Variants in FAM81A observed in about 807,000 individuals in gnomAD.
The protein encoded by FAM81A is family with sequence similarity 81 member A.
In FAM81A, 19 loss-of-function variants were observed where a neutral mutation model predicts 46.7. The observed-to-expected ratio is 0.41, with a 90% CI of 0.28 to 0.60. The LOEUF is 0.60. Ranked by LOEUF, FAM81A falls within the 20% of genes least tolerant of loss-of-function variation. The probability of loss-of-function intolerance (pLI) is 0.34; values close to 1 mark genes in which losing one functional copy is unlikely to be tolerated. For missense variants in FAM81A, 377 were observed against 453.5 expected (o/e 0.83, Z 1.53); for synonymous variants, 183 against 152.9 (o/e 1.20, Z -1.45).
intron 3 of FAM81A, among the ~76,000 whole-genome samples, chr15:59,478,643 C>G (rs1486058562): frequency 6.6e-6 from 1 of 152,176 alleles, no homozygotes; most frequent in African/African-American, 2.4e-5. Flanking sequence ...TGATTATCAT[C>G]CAAATTCATT....
intron 4 of FAM81A, among the ~76,000 whole-genome samples, chr15:59,493,918 T>G (rs550318943): frequency 6.6e-6 from 1 of 152,126 alleles, no homozygotes; most frequent in Non-Finnish European, 1.5e-5. Context: ...CTTTTCAGTC[T>G]TTAAAGTTCA....
At chr15:59,470,357 G>T (rs564314847) in intron 3 of FAM81A, among the ~76,000 whole-genome samples, 41 of 152,056 alleles carry the variant, frequency 2.7e-4, no homozygotes, top group Middle Eastern at 3.4e-3. Context: ...ATGTAGATTT[G>T]GTCTTTTCAC....
At chr15:59,483,037 T>C (rs1319338367) in intron 3 of FAM81A, among the ~76,000 whole-genome samples, 2 of 152,094 alleles carry the variant, frequency 1.3e-5, no homozygotes, top group Non-Finnish European at 2.9e-5. Flanking sequence ...AAATTCTTTC[T>C]GGTGAATTTT....
chr15:59,420,037 T>C (rs2081164095), intron 2 of FAM81A, among the ~76,000 whole-genome samples: 1 of 152,182 alleles, frequency 6.6e-6, no homozygotes, highest in Admixed American at 6.5e-5. Context: ...CAATGCCTCA[T>C]GCATACTGGA....
intron 3 of FAM81A, among the ~76,000 whole-genome samples, chr15:59,490,748 A>G (rs1480961544): frequency 6.6e-6 from 1 of 152,198 alleles, no homozygotes; most frequent in Non-Finnish European, 1.5e-5. Context: ...AGGCATGAGA[A>G]TCGCTTGAAT....
At chr15:59,437,230 C>G (rs772784513), upstream of FAM81A, among the ~76,000 whole-genome samples, 1 of 152,028 alleles carries the variant, frequency 6.6e-6, no homozygotes, top group Admixed American at 6.6e-5. Flanking sequence ...TCTACCATGT[C>G]GGGCTCCTTC....
intron 2 of FAM81A, among the ~76,000 whole-genome samples, chr15:59,422,567 C>T (rs886375977): frequency 2.0e-5 from 3 of 152,118 alleles, no homozygotes; most frequent in African/African-American, 4.8e-5. Flanking sequence ...ACCTCCGCCT[C>T]CCGGGTTCAT....
At chr15:59,415,828 A>T (rs763929269) in intron 2 of FAM81A, among the ~76,000 whole-genome samples, 2 of 152,196 alleles carry the variant, frequency 1.3e-5, no homozygotes, top group Non-Finnish European at 2.9e-5. Flanking sequence ...CACATTCAGA[A>T]CCACTCTCCT....
chr15:59,458,668 A>G (rs1209996492), intron 2 of FAM81A, 22 bp downstream of exon 2: 4 of 1,597,174 alleles, frequency 2.5e-6, no homozygotes, highest in Non-Finnish European at 1.7e-6. Context: ...CTTTCCACTC[A>G]TCCCATGGGG....
chr15:59,482,427 C>T (rs1050665597), intron 3 of FAM81A, among the ~76,000 whole-genome samples: 1 of 152,116 alleles, frequency 6.6e-6, no homozygotes, highest in Non-Finnish European at 1.5e-5. Context: ...CGCCACCATG[C>T]CTGGCTAATT....
chr15:59,421,737 ATCTATCTG>A (rs368270143), intron 2 of FAM81A, among the ~76,000 whole-genome samples: 32,376 of 121,336 alleles, frequency 0.27, 4,182 homozygotes, highest in Non-Finnish European at 0.31. Flanking sequence ...CTGTCTATCT[ATCTATCTG>A]TCTATCTATC....
chr15:59,421,868 C>CAT (rs1567039207), intron 2 of FAM81A, among the ~76,000 whole-genome samples: 16 of 115,604 alleles, frequency 1.4e-4, no homozygotes, highest in African/African-American at 5.1e-4. Context: ...AACCCTCAAC[C>CAT]CTCTATCTAT....
intron 6 of FAM81A, among the ~76,000 whole-genome samples, chr15:59,510,039 C>A (rs2082188688): frequency 6.6e-6 from 1 of 152,054 alleles, no homozygotes; most frequent in Non-Finnish European, 1.5e-5. Context: ...GACAAGCATA[C>A]AGAATTGATG....
chr15:59,436,582 G>C (rs1254744928), upstream of FAM81A, among the ~76,000 whole-genome samples: 1 of 152,152 alleles, frequency 6.6e-6, no homozygotes, highest in Non-Finnish European at 1.5e-5. Context: ...TGGACTCTAG[G>C]TTTGAATGGG....
intron 2 of FAM81A, among the ~76,000 whole-genome samples, chr15:59,412,932 A>C (rs771069552): frequency 6.6e-6 from 1 of 152,194 alleles, no homozygotes; most frequent in Non-Finnish European, 1.5e-5. Flanking sequence ...AGGGGGAAAG[A>C]AATCAATCAA....
chr15:59,425,354 G>C (rs1443997271), intron 2 of FAM81A, among the ~76,000 whole-genome samples: 1 of 152,158 alleles, frequency 6.6e-6, no homozygotes, highest in Non-Finnish European at 1.5e-5. Context: ...GCAAGTCTTT[G>C]AATCTTGGAG....
At chr15:59,481,196 C>T (rs2081846006) in intron 3 of FAM81A, among the ~76,000 whole-genome samples, 2 of 152,076 alleles carry the variant, frequency 1.3e-5, no homozygotes, top group Non-Finnish European at 1.5e-5. Context: ...CAGGGTTTCA[C>T]CATGTTGCCC....
rs527994115 is a variant in FAM81A at position 59,462,404 on chromosome 15, G to A, written c.294+2198G>A. Among the ~76,000 whole-genome samples, 471 of 152,122 alleles carry A rather than the reference G, an allele frequency of 3.1e-3. 3 individuals are homozygous for A. Among genetic ancestry groups the A allele is most frequent in the African/African-American group, 0.011 (448 of 41,486 alleles). On this transcript the variant is annotated intron_variant, in intron 3 of 8. Transcript: ENST00000288228. ...AATTTGTATTTTCCTAATGACTAAT[G>A]ATCTTGAACACCTTTTCATATGCTT...
chr15:59,494,500 A>G (rs1345948524), intron 4 of FAM81A, among the ~76,000 whole-genome samples: 4 of 152,208 alleles, frequency 2.6e-5, no homozygotes, highest in Non-Finnish European at 5.9e-5. Context: ...TTATTTTGAA[A>G]TACTTTCAGG....
Sources: allele counts gnomAD v4.1 joint callset (sites outside exome capture counted in the v4.1 genomes callset), GRCh38; gene constraint gnomAD v4.1.1; transcripts MANE v1.5; gene names NCBI Gene and HGNC (gene_info 2026-07-23, HGNC 2026-07-21).